The following NSD3 variants were observed in gnomAD, a reference collection of about 807,000 sequenced individuals.
The protein encoded by NSD3 is histone-lysine N-methyltransferase NSD3.
In NSD3, 24 loss-of-function variants were observed where a neutral mutation model predicts 160.8. The observed-to-expected ratio is 0.15, with a 90% CI of 0.11 to 0.21. NSD3 has a LOEUF of 0.21. NSD3 is among the 10% of genes least tolerant of loss of function. NSD3 has a pLI of 1.00. For missense variants in NSD3, 1,157 were observed against 1,735.9 expected (o/e 0.67, Z 5.93); for synonymous variants, 520 against 600.0 (o/e 0.87, Z 1.95).
At chr8:38,356,100 G>T (rs930746580) in intron 1 of NSD3, among the ~76,000 whole-genome samples, 1 of 152,140 alleles carries the variant, frequency 6.6e-6, no homozygotes, top group African/African-American at 2.4e-5. Flanking sequence ...CTAAATAATT[G>T]TACTAATCTA....
At chr8:38,342,575 CTT>C (rs1208709456) in intron 2 of NSD3, among the ~76,000 whole-genome samples, 2 of 146,180 alleles carry the variant, frequency 1.4e-5, no homozygotes. Flanking sequence ...TAGCCTAGTA[CTT>C]TTTTTTTTTG....
chr8:38,347,958 C>T lies in NSD3; in HGVS notation c.214G>A (p.Gly72Arg). 1 of 1,614,152 alleles carries T rather than the reference C, an allele frequency of 6.2e-7. No homozygotes were observed. The highest frequency in any genetic ancestry group is 8.5e-7 in the Non-Finnish European group (1 of 1,180,028). ...TTEDLPPLTNGYPSSISVYET... is the reference protein window; with the variant it reads ...TTEDLPPLTNRYPSSISVYET... ...TACACACTGATTGATGATGGATACC[C>T]ATTTGTGAGTGGAGGAAGATCTTCT... Residue 72 changes from glycine to arginine, a missense_variant, in exon 2 of 24, where the codon GGG becomes AGG. Physicochemically the swap from Gly to Arg is moderately radical, Grantham distance 125. Coordinates refer to ENST00000317025, the MANE Select transcript of NSD3 (RefSeq NM_023034.2).
At chr8:38,346,359 A>ATGTATATATGTATATATATG (rs1157625104) in intron 2 of NSD3, among the ~76,000 whole-genome samples, 1 of 147,218 alleles carries the variant, frequency 6.8e-6, no homozygotes, top group African/African-American at 2.5e-5. Flanking sequence ...TATATAGTAT[A>ATGTATATATGTATATATATG]TGTATATATG....
At position 38,329,916 on chromosome 8, in the gene NSD3, C is replaced by A; in HGVS notation, c.1066-23G>T. On this transcript the variant is annotated intron_variant, in intron 5 of 23. Transcript: ENST00000317025. This position sits in a 1 kb window ranked among gnomAD's most constrained non-coding sequence, Gnocchi z 4.8. ...AATCTTTAAAAAAGATAGAGATTAT[C>A]AGACATGCTTTACTCTAATAGGTAC... 6.5e-7 allele frequency: 1 copy of A among 1,545,262 alleles called. No homozygotes were observed. The highest frequency in any genetic ancestry group is 1.2e-5 in the South Asian group (1 of 80,708).
In NSD3 at chr8:38,314,743, G is replaced by T; in HGVS notation, c.2146C>A (p.Pro716Thr). ...ICESSGDSLI[P>T]CEGECCKHFH... is the part of the protein sequence containing the mutation. ...TGTTTGCAGCACTCTCCCTCACAAG[G>T]AATCAGAGAGTCACCAGAGCTTTCA... The change falls in exon 12 of 24, where the codon CCT becomes ACT. Residue 716 changes from proline (P) to threonine (T), a missense_variant. Around this residue, in one of 10 missense-constraint regions of NSD3, gnomAD observed 437 missense variants for 576.6 expected, o/e 0.76. Transcript: ENST00000317025. 6.2e-7 allele frequency: 1 copy of T among 1,614,102 alleles called. No individual in the cohort carries two copies. The highest frequency in any genetic ancestry group is 1.1e-5 in the South Asian group (1 of 91,076).
At position 38,270,159 on chromosome 8, in the gene NSD3, C is replaced by T. The variant is rs978413778; in HGVS notation, c.*5482G>A. ...TCCCTTAGTGTCAAGAGCTTCTAGC[C>T]AAGTCACAGAAACTCAAAAGAGATT... On this transcript the variant is annotated 3_prime_UTR_variant, in exon 24 of 24. Transcript: ENST00000317025. The T allele has an allele frequency of 6.6e-6, 1 of 152,154 alleles. No homozygotes were observed. The highest frequency in any genetic ancestry group is 2.4e-5 in the African/African-American group (1 of 41,444). 9.4% of individuals were successfully genotyped at this position (152,154 alleles called of 1,614,324 possible).
chr8:38,373,008 C>A (rs1429570790), intron 1 of NSD3, among the ~76,000 whole-genome samples: 1 of 148,426 alleles, frequency 6.7e-6, no homozygotes, highest in African/African-American at 2.5e-5. Flanking sequence ...CGAGATTGCG[C>A]CACTGGACCT....
Position 38,276,457 on chromosome 8 carries a change from T to G in NSD3, c.3911A>C (p.Lys1304Thr). The change falls in exon 23 of 24, where the codon AAG (lysine) becomes ACG (threonine). Residue 1304 changes from lysine (K) to threonine (T), a missense_variant. By Grantham distance (78) the Lys-to-Thr change is moderately conservative. Transcript: ENST00000317025. ...STNEEKAKNA[K>T]LKQKRRKIKT... is the part of the protein sequence containing the mutation. ...GATCTTTCGTCTCTTCTGTTTTAAC[T>G]TAGCATTTTTTGCCTTCTCTTCATT... 6.2e-7 allele frequency: 1 copy of G among 1,614,246 alleles called. No individual in the cohort carries two copies. The highest frequency in any genetic ancestry group is 8.5e-7 in the Non-Finnish European group (1 of 1,180,038).
rs968003769 is a variant in NSD3, at chr8:38,316,810, G to GA, written c.1856-769_1856-768insT. 12 of 1,060,340 alleles carry GA rather than the reference G, an allele frequency of 1.1e-5. No homozygotes were observed. The African/African-American group carries it at 1.8e-4, about 16-fold the overall frequency. The allele number at this position is 1,060,340 out of a possible 1,614,324, so 65.7% of individuals were successfully genotyped here. Reference sequence around the variant, plus strand: ...AAAAGGCAGAGAATAGTGTGGAATTGTTTTTTTTAAAACTGTGTGTAATAC... The same window carrying GA: ...AAAAGGCAGAGAATAGTGTGGAATTGATTTTTTTTAAAACTGTGTGTAATAC... On this transcript the variant is annotated intron_variant, in intron 9 of 23. Transcript: ENST00000317025. This position sits in a 1 kb window ranked among gnomAD's most constrained non-coding sequence, Gnocchi z 4.5.
intron 4 of NSD3, 111 bp downstream of exon 4, chr8:38,337,194 T>C (rs1390882225): frequency 2.9e-6 from 3 of 1,023,192 alleles, no homozygotes; most frequent in African/African-American, 1.7e-5. Context: ...GATATGCACA[T>C]TTTTGTATCA....
Position 38,329,252 on chromosome 8 carries a change from C to CTCTG in NSD3, c.1581+125_1581+126insCAGA. 10 of 1,163,968 alleles carry CTCTG rather than the reference C, an allele frequency of 8.6e-6. No homozygotes were observed. 72.1% of individuals were successfully genotyped at this position (1,163,968 alleles called of 1,614,324 possible). ...CTTTTTTGCCCACAGAGTACAATGA[C>CTCTG]TGTATGTTTCAAATTCAGTGGGTAG... On this transcript the variant is annotated intron_variant, in intron 6 of 23. Coordinates refer to ENST00000317025, the MANE Select transcript of NSD3 (RefSeq NM_023034.2). The surrounding 1 kb of genome is among the most constrained non-coding windows in gnomAD (Gnocchi z 4.8).
chr8:38,349,635 C>G (rs1810621649), intron 1 of NSD3, among the ~76,000 whole-genome samples: 1 of 137,292 alleles, frequency 7.3e-6, no homozygotes, highest in Admixed American at 7.5e-5. Flanking sequence ...TTGCCAGTAT[C>G]TACTTATTTT....
Position 38,373,227 on chromosome 8 carries a change from C to CT in NSD3, c.-45+8571dup, listed in dbSNP as rs531629500. Among the ~76,000 whole-genome samples, 408 of 146,210 alleles carry CT rather than the reference C, an allele frequency of 2.8e-3. 4 individuals are homozygous for CT. Among genetic ancestry groups the CT allele is most frequent in the Middle Eastern group, 7.3e-3 (2 of 274 alleles). On this transcript the variant is annotated intron_variant, in intron 1 of 23. Transcript: ENST00000317025. ...GGTGATAGTTACCCGATGTTCACTT[C>CT]TTTTTTTTTTTGAGATGGAGAGTCT... is the stretch of plus-strand genomic sequence containing the variant.
At chr8:38,279,791 A>G (rs1808689127) in intron 20 of NSD3, 110 bp from the exon 21 acceptor site, 1 of 1,215,620 alleles carries the variant, frequency 8.2e-7, no homozygotes, top group Non-Finnish European at 1.1e-6. Flanking sequence ...CTGGTGTTTG[A>G]CAACTGACAG....
intron 1 of NSD3, among the ~76,000 whole-genome samples, chr8:38,376,793 G>A (rs567638156): frequency 6.6e-6 from 1 of 152,124 alleles, no homozygotes; most frequent in Admixed American, 6.5e-5. Context: ...ACCAAGTAAC[G>A]GGTTTGTCAA....
intron 15 of NSD3, among the ~76,000 whole-genome samples, chr8:38,298,061 C>T (rs1169883251): frequency 6.6e-6 from 1 of 152,026 alleles, no homozygotes; most frequent in East Asian, 1.9e-4. Flanking sequence ...TGTGAATGGT[C>T]CACCTTGGTG....
At position 38,372,738 on chromosome 8, in the gene NSD3, C is replaced by T. The variant is rs545943892; in HGVS notation, c.-45+9061G>A. On this transcript the variant is annotated intron_variant, in intron 1 of 23. Transcript: ENST00000317025. Reference sequence around the variant, plus strand: ...CTCCAACTCCTCCCCTCAGGTGCTCCGCCCGCCTCGGCCTCCCAAAGTGCT... The same window carrying T: ...CTCCAACTCCTCCCCTCAGGTGCTCTGCCCGCCTCGGCCTCCCAAAGTGCT... 1.9e-3 allele frequency among the ~76,000 whole-genome samples: 294 copies of T among 150,970 alleles called. 2 individuals are homozygous for T. The highest frequency in any genetic ancestry group is 3.6e-3 in the Non-Finnish European group (242 of 67,580).
chr8:38,351,799 C>G (rs924147653), intron 1 of NSD3, among the ~76,000 whole-genome samples: 1 of 151,740 alleles, frequency 6.6e-6, no homozygotes, highest in Non-Finnish European at 1.5e-5. Flanking sequence ...CAGGTTCTCA[C>G]TCATAGGCGG....
At chr8:38,286,260 C>T (rs1475999470) in intron 19 of NSD3, among the ~76,000 whole-genome samples, 7 of 152,140 alleles carry the variant, frequency 4.6e-5, no homozygotes, top group African/African-American at 1.7e-4. Flanking sequence ...TGTGGGCAGC[C>T]TCTAGAAGCT....
Sources: gnomAD v4.1 joint callset for allele counts (sites outside exome capture counted in the v4.1 genomes callset) on GRCh38, gnomAD v4.1.1 for gene constraint, gnomAD v4.1.1 regional missense constraint, Gnocchi (gnomAD v3.1) non-coding constraint, MANE v1.5 for transcripts, NCBI Gene and HGNC (gene_info 2026-07-23, HGNC 2026-07-21) for gene names.